PSMD2: variants seen among roughly 807,000 people sequenced by gnomAD.
PSMD2 encodes the protein proteasome 26S subunit ubiquitin receptor, non-ATPase 2.
PSMD2 carries 8 observed loss-of-function variants against 101.5 expected under a neutral mutation model. The observed-to-expected ratio is 0.08, with a 90% CI of 0.05 to 0.14. PSMD2 has a LOEUF of 0.14. Ranked by LOEUF, PSMD2 falls within the 10% of genes least tolerant of loss-of-function variation. The probability of loss-of-function intolerance (pLI) is 1.00; values close to 1 mark genes in which losing one functional copy is unlikely to be tolerated. For synonymous variants in PSMD2, 418 were observed against 433.8 expected (o/e 0.96, Z 0.45); for missense variants, 784 against 1,147.4 (o/e 0.68, Z 4.58).
chr3:184,299,733 C>T (rs1200760864), intron 1 of PSMD2, 118 bp from the exon 2 acceptor site: 5 of 842,612 alleles, frequency 5.9e-6, no homozygotes, highest in Non-Finnish European at 9.8e-6. Context: ...ACTCGGTTTC[C>T]TTGTCCACCT....
chr3:184,305,750 T>G lies in PSMD2; in HGVS notation c.1540-18T>G. 1 of 1,610,524 alleles carries G rather than the reference T, an allele frequency of 6.2e-7. No individual in the cohort carries two copies. The highest frequency in any genetic ancestry group is 8.5e-7 in the Non-Finnish European group (1 of 1,177,966). ...TTTAATAACTTACTCTGTGTAATAC[T>G]GATTTTCCTACCTCTAGGTGGCAGG... On this transcript the variant is annotated intron_variant, in intron 12 of 20. Transcript: ENST00000310118.
intron 3 of PSMD2, among the ~76,000 whole-genome samples, chr3:184,301,336 C>G (rs1014732458): frequency 1.1e-5 from 1 of 90,374 alleles, no homozygotes; most frequent in Non-Finnish European, 2.3e-5. Flanking sequence ...AACTGAGTCT[C>G]AAAAAAAAAA....
At position 184,303,514 on chromosome 3, in the gene PSMD2, T is replaced by C. The variant is rs192908453; in HGVS notation, c.1216+48T>C. On this transcript the variant is annotated intron_variant, in intron 9 of 20. Transcript: ENST00000310118. ...TCTTTTGTTTTGCTTTGATCACTTC[T>C]TTTGTCCTCTTGGAGTCATAAGTTA... 4.2e-4 allele frequency: 672 copies of C among 1,608,566 alleles called. 16 individuals carry two copies. In the Admixed American group the frequency reaches 0.011, roughly 26 times the overall value.
chr3:184,304,453 G>A lies in PSMD2; in HGVS notation c.1539+62G>A. ...GAAGGTGCTTTGAGTCTTACTTTCT[G>A]TGATAAATAATGAAAAAGAAGTAAG... On this transcript the variant is annotated intron_variant, in intron 12 of 20. Transcript: ENST00000310118. The surrounding 1 kb of genome is among the most constrained non-coding windows in gnomAD (Gnocchi z 4.1). 1 of 1,502,952 alleles carries A rather than the reference G, an allele frequency of 6.7e-7. No individual in the cohort carries two copies. Among genetic ancestry groups the A allele is most frequent in the Non-Finnish European group, 9.3e-7 (1 of 1,079,470 alleles). The allele number at this position is 1,502,952 out of a possible 1,614,324, so 93.1% of individuals were successfully genotyped here.
rs1220884978 is a variant in PSMD2, at chr3:184,305,906, C to T, written c.1678C>T (p.Leu560Phe). ...LKDTYARWLP[L>F]GLGLNHLGKG... Reference sequence around the variant, plus strand: ...GGATACTTATGCTCGTTGGCTTCCTCTTGGACTGGGTCTCAACCACCTGGG... The same window carrying T: ...GGATACTTATGCTCGTTGGCTTCCTTTTGGACTGGGTCTCAACCACCTGGG... The change falls in exon 13 of 21, where the codon CTT becomes TTT. Residue 560 changes from leucine to phenylalanine, a missense_variant. By Grantham distance (22) the Leu-to-Phe change is conservative. Coordinates refer to ENST00000310118, the MANE Select transcript of PSMD2 (RefSeq NM_002808.5). 3.7e-6 allele frequency: 6 copies of T among 1,614,184 alleles called. No homozygotes were observed. Among genetic ancestry groups the T allele is most frequent in the Non-Finnish European group, 5.1e-6 (6 of 1,180,036 alleles).
In PSMD2 at chr3:184,301,691, G is replaced by C. The variant is rs751016389; in HGVS notation, c.479+33G>C. On this transcript the variant is annotated intron_variant, in intron 4 of 20. Coordinates refer to ENST00000310118, the MANE Select transcript of PSMD2 (RefSeq NM_002808.5). The stretch of plus-strand genomic sequence containing the variant: ...CTTTCTTCTTGGGAATCCGAAGGGG[G>C]CTCTGAGGCTCTGAGATAATTCAGA... The C allele has an allele frequency of 1.9e-6, 3 of 1,612,828 alleles. No homozygotes were observed. In the African/African-American group the frequency reaches 4.0e-5, roughly 22 times the overall value.
At chr3:184,300,495 C>T in intron 3 of PSMD2, 51 bp downstream of exon 3, 1 of 1,586,340 alleles carries the variant, frequency 6.3e-7, no homozygotes, top group South Asian at 1.1e-5. Flanking sequence ...TTCCTTTTTA[C>T]CCAGATCATG....
intron 4 of PSMD2, 33 bp downstream of exon 4, chr3:184,301,691 G>T (rs751016389): frequency 5.0e-6 from 8 of 1,612,946 alleles, no homozygotes; most frequent in Admixed American, 3.3e-5. Flanking sequence ...TCCGAAGGGG[G>T]CTCTGAGGCT....
In PSMD2 at chr3:184,303,728, C is replaced by T; in HGVS notation, c.1302C>T (p.Tyr434=). The T allele has an allele frequency of 1.9e-6, 3 of 1,614,216 alleles. No individual in the cohort carries two copies. Among genetic ancestry groups the T allele is most frequent in the Non-Finnish European group, 2.5e-6 (3 of 1,180,030 alleles). Residue 434 remains tyrosine (Y), a synonymous_variant, in exon 10 of 21, where the codon TAC becomes TAT. Coordinates refer to ENST00000310118, the MANE Select transcript of PSMD2 (RefSeq NM_002808.5). ...GGLTQIDKYL[Y]SSEDYIKSGA... ...TCACCCAGATTGACAAGTACCTGTA[C>T]TCCTCTGAGGACTACATTAAGGTTG... is the stretch of plus-strand genomic sequence containing the variant.
At position 184,306,435 on chromosome 3, in the gene PSMD2, C is replaced by A; in HGVS notation, c.1890C>A (p.Asp630Glu). ...CCAAAGAGAAGGAGGAAGACAAAGA[C>A]AAGAAGGAAAAGAAAGACAAGGACA... ...FDSKEKEEDK[D>E]KKEKKDKDKK... The change falls in exon 15 of 21, where the codon GAC (aspartate) becomes GAA (glutamate). Residue 630 changes from aspartate to glutamate, a missense_variant. Around this residue, in one of 6 missense-constraint regions of PSMD2, gnomAD observed 282 missense variants for 437.6 expected, o/e 0.64. Coordinates refer to ENST00000310118, the MANE Select transcript of PSMD2 (RefSeq NM_002808.5). 1 of 1,614,114 alleles carries A rather than the reference C, an allele frequency of 6.2e-7. No individual in the cohort carries two copies. Among genetic ancestry groups the A allele is most frequent in the Non-Finnish European group, 8.5e-7 (1 of 1,180,018 alleles).
Position 184,305,789 on chromosome 3 carries a change from G to A in PSMD2, c.1561G>A (p.Ala521Thr). 1 of 1,614,028 alleles carries A rather than the reference G, an allele frequency of 6.2e-7. No individual in the cohort carries two copies. Among genetic ancestry groups the A allele is most frequent in the Non-Finnish European group, 8.5e-7 (1 of 1,180,012 alleles). The change falls in exon 13 of 21, where the codon GCC (alanine) becomes ACC (threonine). Residue 521 changes from alanine to threonine, a missense_variant. By Grantham distance (58) the Ala-to-Thr change is moderately conservative. This residue lies in a region of PSMD2 where 282 missense variants were observed against 437.6 expected (regional missense o/e 0.64). Coordinates refer to ENST00000310118, the MANE Select transcript of PSMD2 (RefSeq NM_002808.5). ...SMEVAGVTAL[A>T]CGMIAVGSCN... is the part of the protein sequence containing the mutation. ...CTAGGTGGCAGGTGTCACAGCTTTA[G>A]CCTGTGGAATGATAGCAGTAGGGTC... is the stretch of plus-strand genomic sequence containing the variant.
In PSMD2 at chr3:184,308,130, A is replaced by C; in HGVS notation, c.2425+114A>C. 7.4e-7 allele frequency: 1 copy of C among 1,360,114 alleles called. No individual in the cohort carries two copies. Among genetic ancestry groups the C allele is most frequent in the Middle Eastern group, 1.9e-4 (1 of 5,358 alleles). 84.3% of individuals were successfully genotyped at this position (1,360,114 alleles called of 1,614,324 possible). A position where few individuals can be genotyped will look rare whatever the true frequency, so the allele number is the denominator to read the frequency against. ...CCCCAGTTTAGCTCTGTATCGCTCTAGGTTTCTGAGACAGGCTTTGGGCCT... is the reference window on the plus strand; with the variant it reads ...CCCCAGTTTAGCTCTGTATCGCTCTCGGTTTCTGAGACAGGCTTTGGGCCT... On this transcript the variant is annotated intron_variant, in intron 19 of 20. Transcript: ENST00000310118. This position sits in a 1 kb window ranked among gnomAD's most constrained non-coding sequence, Gnocchi z 6.0.
intron 2 of PSMD2, 144 bp from the exon 3 acceptor site, chr3:184,300,136 G>GC (rs1455501807): frequency 1.2e-5 from 12 of 960,818 alleles, no homozygotes; most frequent in Non-Finnish European, 1.9e-5. Flanking sequence ...TTTGTGCCAG[G>GC]CAGGGTGCAG....
At position 184,301,173 on chromosome 3, in the gene PSMD2, T is replaced by TA. The variant is rs949485806; in HGVS notation, c.358-351dup. The stretch of plus-strand genomic sequence containing the variant: ...GTGAAACCCCGTCTCTACTAAAAAT[T>TA]AAAAAAAAAAAAATTAGCTGGGTGT... On this transcript the variant is annotated intron_variant, in intron 3 of 20. Transcript: ENST00000310118. Among the ~76,000 whole-genome samples, 219 of 142,966 alleles carry TA rather than the reference T, an allele frequency of 1.5e-3. 1 individual carries two copies. The highest frequency in any genetic ancestry group is 3.6e-3 in the African/African-American group (141 of 39,132). The allele number at this position is 142,966 out of a possible 152,430, so 93.8% of individuals were successfully genotyped here. A position where few individuals can be genotyped will look rare whatever the true frequency, so the allele number is the denominator to read the frequency against.
At position 184,301,661 on chromosome 3, in the gene PSMD2, A is replaced by G. The variant is rs1721648261; in HGVS notation, c.479+3A>G. 1 of 1,613,966 alleles carries G rather than the reference A, an allele frequency of 6.2e-7. No individual in the cohort carries two copies. Among genetic ancestry groups the G allele is most frequent in the Non-Finnish European group, 8.5e-7 (1 of 1,180,002 alleles). The stretch of plus-strand genomic sequence containing the variant: ...TCATGGGGTCATGAGTATGTCAGGT[A>G]AGATCTTTCTTCTTGGGAATCCGAA... On this transcript the variant is annotated splice_donor_region_variant and intron_variant, in intron 4 of 20. Coordinates refer to ENST00000310118, the MANE Select transcript of PSMD2 (RefSeq NM_002808.5).
chr3:184,307,332 C>A, intron 16 of PSMD2, 25 bp from the exon 17 acceptor site: 1 of 1,612,696 alleles, frequency 6.2e-7, no homozygotes, highest in Non-Finnish European at 8.5e-7. Flanking sequence ...TTCCGCCTTA[C>A]TGTTGTATTT....
At chr3:184,307,548 T>G in intron 17 of PSMD2, 23 bp downstream of exon 17, 1 of 1,614,146 alleles carries the variant, frequency 6.2e-7, no homozygotes, top group Middle Eastern at 1.6e-4. Flanking sequence ...CAGAAGAAGG[T>G]CATAAACAGA....
intron 1 of PSMD2, 59 bp from the exon 2 acceptor site, chr3:184,299,792 G>A: frequency 2.3e-5 from 32 of 1,405,038 alleles, no homozygotes; most frequent in Non-Finnish European, 3.1e-5. Flanking sequence ...CCGGGTAAGT[G>A]GGAGGAGGAC....
chr3:184,306,195 ACTC>A (rs1210117714), intron 14 of PSMD2, 40 bp downstream of exon 14: 1 of 1,602,874 alleles, frequency 6.2e-7, no homozygotes, highest in Non-Finnish European at 8.5e-7. Flanking sequence ...TTCCCCAGTG[ACTC>A]CTCACTTCTT....
Sources: gnomAD v4.1 joint callset for allele counts (sites outside exome capture counted in the v4.1 genomes callset) on GRCh38, gnomAD v4.1.1 for gene constraint, gnomAD v4.1.1 regional missense constraint, Gnocchi (gnomAD v3.1) non-coding constraint, MANE v1.5 for transcripts, NCBI Gene and HGNC (gene_info 2026-07-23, HGNC 2026-07-21) for gene names.